Variants in WDR89 observed in about 807,000 individuals in gnomAD.
The protein encoded by WDR89 is WD repeat domain 89.
In WDR89, 17 loss-of-function variants were observed where a neutral mutation model predicts 29.1. The ratio of observed to expected loss-of-function variants is 0.58; its 90% CI spans 0.40 to 0.88. The LOEUF is 0.88. Among genes scored for constraint, WDR89 ranks in the 40% least tolerant of loss-of-function variants. The pLI, the probability that WDR89 is intolerant of heterozygous loss-of-function variation, is 0.00. For missense variants in WDR89, 396 were observed against 456.3 expected (o/e 0.87, Z 1.20); for synonymous variants, 138 against 157.8 (o/e 0.87, Z 0.94).
At chr14:63,617,507 T>A (rs6573527) in intron 2 of WDR89, among the ~76,000 whole-genome samples, 6,917 of 152,214 alleles carry the variant, frequency 0.045, 550 homozygotes, top group African/African-American at 0.16. Flanking sequence ...TGTTGTTTTT[T>A]TGAGACCAAG....
intron 2 of WDR89, among the ~76,000 whole-genome samples, chr14:63,606,230 G>A (rs1322107212): frequency 4.6e-5 from 7 of 152,124 alleles, no homozygotes; most frequent in Non-Finnish European, 1.0e-4. Flanking sequence ...TTACAGGCAT[G>A]AGCCACTGTC....
chr14:63,601,696 G>A (rs113293356), intron 2 of WDR89: 69 of 1,601,904 alleles, frequency 4.3e-5, no homozygotes, highest in East Asian at 2.9e-4. Context: ...CAACCAGTTC[G>A]TGTGAAAGTT....
At chr14:63,615,029 G>A (rs769224471) in intron 2 of WDR89, among the ~76,000 whole-genome samples, 49 of 152,190 alleles carry the variant, frequency 3.2e-4, no homozygotes, top group Non-Finnish European at 3.4e-4. Context: ...ACAGGAATCT[G>A]TTACTAAGGA....
intron 2 of WDR89, among the ~76,000 whole-genome samples, chr14:63,609,554 C>T (rs765627094): frequency 4.6e-5 from 7 of 152,034 alleles, no homozygotes; most frequent in Admixed American, 6.6e-5. Flanking sequence ...TTCGGGAAGC[C>T]GAGGCGGGCG....
chr14:63,601,675 G>A (rs564183303), intron 2 of WDR89: 1 of 1,611,936 alleles, frequency 6.2e-7, no homozygotes, highest in African/African-American at 1.3e-5. Context: ...AAAGGAAAGG[G>A]TGGAGAGATT....
rs866147161 is a variant in WDR89 at position 63,626,990 on chromosome 14, G to A, written c.-137-1957C>T. 5.3e-5 allele frequency among the ~76,000 whole-genome samples: 8 copies of A among 152,076 alleles called. 1 individual carries two copies. The highest frequency in any genetic ancestry group is 6.8e-3 in the Middle Eastern group (2 of 294). On this transcript the variant is annotated intron_variant, in intron 1 of 2. Coordinates refer to ENST00000620954, the MANE Select transcript of WDR89 (RefSeq NM_080666.4). The stretch of plus-strand genomic sequence containing the variant: ...ACAAAAATTAGCTCGGTGTAATGGC[G>A]TATACCTGTAGTCCCAGCCACCCAA...
At chr14:63,608,226 A>C (rs1881718988) in intron 2 of WDR89, among the ~76,000 whole-genome samples, 1 of 152,050 alleles carries the variant, frequency 6.6e-6, no homozygotes, top group Non-Finnish European at 1.5e-5. Flanking sequence ...CAAAACAAAC[A>C]AACAAACAAA....
At chr14:63,610,897 T>C (rs891440251) in intron 2 of WDR89, among the ~76,000 whole-genome samples, 30 of 151,972 alleles carry the variant, frequency 2.0e-4, no homozygotes, top group African/African-American at 7.2e-4. Context: ...AGATGGGGTT[T>C]CACCATGTTG....
At chr14:63,605,205 TACACATAC>T (rs151216055) in intron 2 of WDR89, among the ~76,000 whole-genome samples, 22,566 of 127,996 alleles carry the variant, frequency 0.18, 2,047 homozygotes, top group East Asian at 0.47. Flanking sequence ...CATATATACA[TACACATAC>T]ACACACACAC....
chr14:63,638,136 G>A (rs1218459016), intron 1 of WDR89, among the ~76,000 whole-genome samples: 3 of 151,974 alleles, frequency 2.0e-5, no homozygotes, highest in Non-Finnish European at 4.4e-5. Flanking sequence ...GTAGAGACAG[G>A]GTTTTGCCAT....
chr14:63,635,824 T>C (rs1162276572), intron 1 of WDR89, among the ~76,000 whole-genome samples: 1 of 152,230 alleles, frequency 6.6e-6, no homozygotes. Context: ...AGCTCTTCTA[T>C]ACATCAACAG....
At chr14:63,601,937 A>C in intron 2 of WDR89, 1 of 430,508 alleles carries the variant, frequency 2.3e-6, no homozygotes, top group Non-Finnish European at 4.1e-6. Flanking sequence ...ACTAATGAAA[A>C]AAATAAAATA....
chr14:63,606,199 C>T (rs1895314103), intron 2 of WDR89, among the ~76,000 whole-genome samples: 1 of 152,152 alleles, frequency 6.6e-6, no homozygotes, highest in South Asian at 2.1e-4. Flanking sequence ...CTTCTTGCCT[C>T]AGCCTCCCAA....
At chr14:63,637,004 C>T (rs538352319) in intron 1 of WDR89, among the ~76,000 whole-genome samples, 9 of 152,250 alleles carry the variant, frequency 5.9e-5, no homozygotes, top group African/African-American at 1.7e-4. Flanking sequence ...AAAATCTTCA[C>T]AATCTATACA....
chr14:63,638,894 C>T lies in WDR89; in HGVS notation c.-138+2910G>A, dbSNP rs952832180. On this transcript the variant is annotated intron_variant, in intron 1 of 2. Transcript: ENST00000620954. ...AGGTCTTAATTCCTGGAATCTATGACTGTTTCATTATATGACAAAAGGGAC... is the reference window on the plus strand; with the variant it reads ...AGGTCTTAATTCCTGGAATCTATGATTGTTTCATTATATGACAAAAGGGAC... Among the ~76,000 whole-genome samples, 3 of 152,188 alleles carry T rather than the reference C, an allele frequency of 2.0e-5. No homozygotes were observed. The East Asian group carries it at 5.8e-4, about 29-fold the overall frequency.
chr14:63,600,270 G>A (rs2139483518), intron 2 of WDR89, among the ~76,000 whole-genome samples: 1 of 152,262 alleles, frequency 6.6e-6, no homozygotes, highest in South Asian at 2.1e-4. Flanking sequence ...GAGGTAGGAG[G>A]ACTGCTTGAG....
In WDR89 at chr14:63,603,133, T is replaced by C. The variant is rs186472699; in HGVS notation, c.-31-3160A>G. 1.6e-3 allele frequency among the ~76,000 whole-genome samples: 242 copies of C among 152,218 alleles called. 1 individual carries two copies. Among genetic ancestry groups the C allele is most frequent in the African/African-American group, 5.6e-3 (231 of 41,554 alleles). On this transcript the variant is annotated intron_variant, in intron 2 of 2. Coordinates refer to ENST00000620954, the MANE Select transcript of WDR89 (RefSeq NM_080666.4). ...ACATTTATTTTTACTTATTTTTCCT[T>C]TGGAGATGGCATCACAGCTCATTAA...
intron 1 of WDR89, among the ~76,000 whole-genome samples, chr14:63,631,320 CTT>C (rs1883385527): frequency 6.6e-6 from 1 of 151,952 alleles, no homozygotes; most frequent in South Asian, 2.1e-4. Context: ...TTTTTCTTTT[CTT>C]TCTTTTTGCT....
At chr14:63,608,667 C>T (rs1881753234) in intron 2 of WDR89, among the ~76,000 whole-genome samples, 1 of 75,122 alleles carries the variant, frequency 1.3e-5, no homozygotes, top group African/African-American at 1.3e-4. Flanking sequence ...GTGGTGCATG[C>T]ACACACACAC....
Sources: allele counts gnomAD v4.1 joint callset (sites outside exome capture counted in the v4.1 genomes callset), GRCh38; gene constraint gnomAD v4.1.1; transcripts MANE v1.5; gene names NCBI Gene and HGNC (gene_info 2026-07-23, HGNC 2026-07-21).